Variants in KCNA4 observed in about 807,000 individuals in gnomAD.
KCNA4 encodes potassium voltage-gated channel subfamily A member 4, also known as cardiac potassium channel.
In KCNA4, 5 loss-of-function variants were observed where a neutral mutation model predicts 37.2. That is an observed-to-expected ratio of 0.13 (90% CI 0.07 to 0.28). The LOEUF (loss-of-function observed/expected upper bound fraction) is 0.28. Ranked by LOEUF, KCNA4 falls within the 10% of genes least tolerant of loss-of-function variation. KCNA4 has a pLI of 1.00. For synonymous variants in KCNA4, 350 were observed against 311.8 expected (o/e 1.12, Z -1.29); for missense variants, 634 against 817.4 (o/e 0.78, Z 2.74).
In KCNA4 at chr11:30,012,043, A is replaced by G. The variant is rs776758674; in HGVS notation, c.636T>C (p.Phe212=). 2.5e-6 allele frequency: 4 copies of G among 1,614,172 alleles called. No homozygotes were observed. The South Asian group carries it at 4.4e-5, about 18-fold the overall frequency. ...LGDPEKRTQY[F]DPLRNEYFFD... is the part of the protein sequence containing the mutation. ...AAAAATACTCATTGCGCAAAGGGTC[A>G]AAGTACTGAGTCCTCTTTTCAGGGT... is the stretch of plus-strand genomic sequence containing the variant. Residue 212 remains phenylalanine (F), a synonymous_variant, in exon 2 of 2, where the codon TTT becomes TTC. Transcript: ENST00000328224.
At chr11:30,015,547 T>A (rs1471274063) in intron 1 of KCNA4, among the ~76,000 whole-genome samples, 1 of 152,210 alleles carries the variant, frequency 6.6e-6, no homozygotes, top group African/African-American at 2.4e-5. Flanking sequence ...ATTTATTTAT[T>A]TGGGATTGTT....
Position 30,010,565 on chromosome 11 carries a change from A to C in KCNA4, c.*152T>G, listed in dbSNP as rs1850293069. 5 of 1,117,504 alleles carry C rather than the reference A, an allele frequency of 4.5e-6. No individual in the cohort carries two copies. The East Asian group carries it at 8.5e-5, about 19-fold the overall frequency. 69.2% of individuals were successfully genotyped at this position (1,117,504 alleles called of 1,614,324 possible). On this transcript the variant is annotated 3_prime_UTR_variant, in exon 2 of 2. Transcript: ENST00000328224. The stretch of plus-strand genomic sequence containing the variant: ...TATCATTTATTTGATATGTAATACA[A>C]GTTTAGTAACAATTATGCCATGTAT...
Position 30,010,968 on chromosome 11 carries a change from T to A in KCNA4, c.1711A>T (p.Thr571Ser), listed in dbSNP as rs755546360. 1 of 1,614,146 alleles carries A rather than the reference T, an allele frequency of 6.2e-7. No homozygotes were observed. The highest frequency in any genetic ancestry group is 1.1e-5 in the South Asian group (1 of 91,078). ...SNFNYFYHRE[T>S]ENEEQTQLTQ... ...AGCTGTGTCTGTTCCTCATTTTCAGTCTCTCTGTGGTAGAAATAGTTAAAG... is the reference window on the plus strand; with the variant it reads ...AGCTGTGTCTGTTCCTCATTTTCAGACTCTCTGTGGTAGAAATAGTTAAAG... The change falls in exon 2 of 2, where the codon ACT (threonine) becomes TCT (serine). Residue 571 changes from threonine to serine, a missense_variant. By Grantham distance (58) the Thr-to-Ser change is moderately conservative (BLOSUM62 1). Coordinates refer to ENST00000328224, the MANE Select transcript of KCNA4 (RefSeq NM_002233.4).
Position 30,011,933 on chromosome 11 carries a change from A to T in KCNA4, c.746T>A (p.Phe249Tyr), listed in dbSNP as rs985289618. Residue 249 changes from phenylalanine to tyrosine, a missense_variant, in exon 2 of 2, where the codon TTT becomes TAT. By Grantham distance (22) the Phe-to-Tyr change is conservative. Coordinates refer to ENST00000328224, the MANE Select transcript of KCNA4 (RefSeq NM_002233.4). This position sits in a 1 kb window ranked among gnomAD's most constrained non-coding sequence, Gnocchi z 5.6. ...GRLKRPVNVP[F>Y]DIFTEEVKFY... ...CTTCACCTCCTCAGTGAAGATATCA[A>T]AGGGGACATTGACTGGCCTCTTCAG... 15 of 1,614,038 alleles carry T rather than the reference A, an allele frequency of 9.3e-6. No homozygotes were observed. In the South Asian group the frequency reaches 1.5e-4, roughly 17 times the overall value.
chr11:30,010,800 C>G lies in KCNA4; in HGVS notation c.1879G>C (p.Glu627Gln), dbSNP rs957063987. Residue 627 changes from glutamate (E) to glutamine (Q), a missense_variant, in exon 2 of 2, where the codon GAG becomes CAG. Physicochemically the swap from Glu to Gln is conservative, Grantham distance 29 (BLOSUM62 2). Around this residue, in one of 8 missense-constraint regions of KCNA4, gnomAD observed 91 missense variants for 95.8 expected, o/e 0.95. Transcript: ENST00000328224. ...TCATCCCCCTTTCCCTGACACTTCT[C>G]CTCCTTTGCACACAGAGATTCCTTA... ...GVKESLCAKE[E>Q]KCQGKGDDSE... 2 of 1,614,168 alleles carry G rather than the reference C, an allele frequency of 1.2e-6. No individual in the cohort carries two copies. Among genetic ancestry groups the G allele is most frequent in the African/African-American group, 2.7e-5 (2 of 75,040 alleles).
Position 30,010,920 on chromosome 11 carries a change from G to T in KCNA4, c.1759C>A (p.Pro587Thr). The change falls in exon 2 of 2, where the codon CCA (proline) becomes ACA (threonine). Residue 587 changes from proline (P) to threonine (T), a missense_variant. Transcript: ENST00000328224. ...TQLTQNAVSC[P>T]YLPSNLLKKF... is the part of the protein sequence containing the mutation. ...TTGAGCAAATTAGAGGGGAGGTATG[G>T]ACAACTGACTGCATTCTGCGTTAGC... 6.2e-7 allele frequency: 1 copy of T among 1,614,154 alleles called. No individual in the cohort carries two copies. Among genetic ancestry groups the T allele is most frequent in the Non-Finnish European group, 8.5e-7 (1 of 1,180,026 alleles).
chr11:30,014,730 C>T (rs893081825), intron 1 of KCNA4, among the ~76,000 whole-genome samples: 2 of 152,090 alleles, frequency 1.3e-5, no homozygotes, highest in African/African-American at 4.8e-5. Flanking sequence ...TCTCCTCAGC[C>T]AGGCCCTGTA....
rs1850317768 is a variant in KCNA4 at position 30,012,619 on chromosome 11, A to C, written c.60T>G (p.Gly20=). 6.2e-7 allele frequency: 1 copy of C among 1,604,254 alleles called. No homozygotes were observed. The highest frequency in any genetic ancestry group is 1.3e-5 in the African/African-American group (1 of 74,702). ...SSGCNSHMPY[G]YAAQARARER... is the part of the protein sequence containing the mutation. ...CCCGGGCCCGGGCCTGGGCAGCATA[A>C]CCATAAGGCATGTGACTGTTGCACC... The change falls in exon 2 of 2, where the codon GGT becomes GGG. Residue 20 remains glycine (G), a synonymous_variant. Coordinates refer to ENST00000328224, the MANE Select transcript of KCNA4 (RefSeq NM_002233.4).
At position 30,010,067 on chromosome 11, in the gene KCNA4, T is replaced by C. The variant is rs975358129; in HGVS notation, c.*650A>G. ...ATAATGTTAGACATTTGCTGTTAAG[T>C]CTTCCCAAAATTAATAACAAAATAT... is the stretch of plus-strand genomic sequence containing the variant. On this transcript the variant is annotated 3_prime_UTR_variant, in exon 2 of 2. Coordinates refer to ENST00000328224, the MANE Select transcript of KCNA4 (RefSeq NM_002233.4). 4 of 152,160 alleles carry C rather than the reference T, an allele frequency of 2.6e-5. No individual in the cohort carries two copies. Among genetic ancestry groups the C allele is most frequent in the African/African-American group, 9.7e-5 (4 of 41,442 alleles). The allele number at this position is 152,160 out of a possible 1,614,324, so 9.4% of individuals were successfully genotyped here.
Position 30,012,578 on chromosome 11 carries a change from G to A in KCNA4, c.101C>T (p.Ala34Val), listed in dbSNP as rs528479973. The change falls in exon 2 of 2, where the codon GCT becomes GTT. Residue 34 changes from alanine (A) to valine (V), a missense_variant. Coordinates refer to ENST00000328224, the MANE Select transcript of KCNA4 (RefSeq NM_002233.4). ...QARARERERL[A>V]HSRAAAAAAV... ...AGCTGCTGCAGCTGCCCTGGAGTGA[G>A]CAAGCCTCTCCCGCTCCCGGGCCCG... 8 of 1,607,108 alleles carry A rather than the reference G, an allele frequency of 5.0e-6. No homozygotes were observed. In the East Asian group the frequency reaches 1.8e-4, roughly 36 times the overall value.
chr11:30,016,001 T>C (rs1850346577), intron 1 of KCNA4, among the ~76,000 whole-genome samples: 1 of 148,274 alleles, frequency 6.7e-6, no homozygotes, highest in South Asian at 2.1e-4. Flanking sequence ...ACCTGAACCT[T>C]AGAGAGAGAG....
chr11:30,011,395 C>T lies in KCNA4; in HGVS notation c.1284G>A (p.Gly428=), dbSNP rs771696576. The T allele has an allele frequency of 3.7e-6, 6 of 1,613,932 alleles. No individual in the cohort carries two copies. The highest frequency in any genetic ancestry group is 1.3e-5 in the African/African-American group (1 of 74,874). The stretch of plus-strand genomic sequence containing the variant: ...CCTGCTGCTGCTGACCATTGCCACC[C>T]CCCTGTTGCTGGGCCAGGTCAGTGC... ...TLGTDLAQQQ[G]GGNGQQQQAM... is the part of the protein sequence containing the mutation. Residue 428 remains glycine (G), a synonymous_variant, in exon 2 of 2, where the codon GGG becomes GGA. Coordinates refer to ENST00000328224, the MANE Select transcript of KCNA4 (RefSeq NM_002233.4). This position sits in a 1 kb window ranked among gnomAD's most constrained non-coding sequence, Gnocchi z 5.6.
chr11:30,010,133 A>G lies in KCNA4; in HGVS notation c.*584T>C, dbSNP rs771677192. On this transcript the variant is annotated 3_prime_UTR_variant, in exon 2 of 2. Transcript: ENST00000328224. ...GCCCTTGCAGCCTTTTTAAAAGTTA[A>G]TTTCCAGTTAAAAATAAATTTTAAT... 2 of 152,246 alleles carry G rather than the reference A, an allele frequency of 1.3e-5. No homozygotes were observed. The highest frequency in any genetic ancestry group is 4.8e-5 in the African/African-American group (2 of 41,460). 9.4% of individuals were successfully genotyped at this position (152,246 alleles called of 1,614,324 possible). A position where few individuals can be genotyped will look rare whatever the true frequency, so the allele number is the denominator to read the frequency against.
At chr11:30,014,849 T>C (rs1311951521) in intron 1 of KCNA4, among the ~76,000 whole-genome samples, 3 of 152,144 alleles carry the variant, frequency 2.0e-5, no homozygotes, top group African/African-American at 7.2e-5. Context: ...AGAATGATGA[T>C]AGTCAGAATT....
intron 1 of KCNA4, among the ~76,000 whole-genome samples, chr11:30,013,726 A>G (rs1488866820): frequency 1.3e-5 from 2 of 152,138 alleles, no homozygotes; most frequent in Non-Finnish European, 2.9e-5. Flanking sequence ...CATGGCCCAC[A>G]TGGCTCTTGC....
At position 30,012,437 on chromosome 11, in the gene KCNA4, C is replaced by A; in HGVS notation, c.242G>T (p.Gly81Val). The A allele has an allele frequency of 6.2e-7, 1 of 1,613,496 alleles. No individual in the cohort carries two copies. Among genetic ancestry groups the A allele is most frequent in the Non-Finnish European group, 8.5e-7 (1 of 1,180,022 alleles). The part of the protein sequence containing the change: ...CTSHDPQSSR[G>V]SRRRRRQRSE... ...CCGCTGTCGCCTCCTCCTCCGACTA[C>A]CCCGGCTGCTCTGAGGGTCATGGGA... is the stretch of plus-strand genomic sequence containing the variant. The change falls in exon 2 of 2, where the codon GGT (glycine) becomes GTT (valine). Residue 81 changes from glycine to valine, a missense_variant. Gly to Val is a moderately radical substitution (Grantham distance 109). Around this residue, in one of 8 missense-constraint regions of KCNA4, gnomAD observed 236 missense variants for 229.5 expected, o/e 1.03. Transcript: ENST00000328224.
chr11:30,017,030 T>TGGGCGG (rs979363229), upstream of KCNA4: 6 of 390,684 alleles, frequency 1.5e-5, no homozygotes, highest in African/African-American at 6.2e-5. Flanking sequence ...GAACGCGCTC[T>TGGGCGG]GGGCGGGGGC....
Position 30,012,076 on chromosome 11 carries a change from C to T in KCNA4, c.603G>A (p.Leu201=). The T allele has an allele frequency of 6.2e-7, 1 of 1,614,180 alleles. No homozygotes were observed. Among genetic ancestry groups the T allele is most frequent in the Non-Finnish European group, 8.5e-7 (1 of 1,180,032 alleles). The part of the protein sequence containing the change: ...MKTLAQFPET[L]LGDPEKRTQY... ...GAGTCCTCTTTTCAGGGTCTCCCAA[C>T]AAAGTCTCTGGAAACTGGGCCAGAG... Residue 201 remains leucine (L), a synonymous_variant, in exon 2 of 2, where the codon TTG becomes TTA. Coordinates refer to ENST00000328224, the MANE Select transcript of KCNA4 (RefSeq NM_002233.4).
rs1248172709 is a variant in KCNA4 at position 30,015,950 on chromosome 11, C to G, written c.-783+622G>C. ...CCTCCAACAACAAGGCTGTTCGTCT[C>G]TCAGTGCTAATTCCTGCAACTGTGT... On this transcript the variant is annotated intron_variant, in intron 1 of 1. Transcript: ENST00000328224. 4.6e-5 allele frequency among the ~76,000 whole-genome samples: 7 copies of G among 152,170 alleles called. No homozygotes were observed. In the East Asian group the frequency reaches 1.4e-3, roughly 30 times the overall value.
Sources: gnomAD v4.1 joint callset for allele counts (sites outside exome capture counted in the v4.1 genomes callset) on GRCh38, gnomAD v4.1.1 for gene constraint, gnomAD v4.1.1 regional missense constraint, Gnocchi (gnomAD v3.1) non-coding constraint, MANE v1.5 for transcripts, NCBI Gene and HGNC (gene_info 2026-07-23, HGNC 2026-07-21) for gene names.